Variants in ASTN2 observed in about 807,000 individuals in gnomAD.
The protein encoded by ASTN2 is astrotactin 2.
ASTN2 carries 54 observed loss-of-function variants against 139.8 expected under a neutral mutation model. The ratio of observed to expected loss-of-function variants is 0.39; its 90% CI spans 0.31 to 0.48. The LOEUF is 0.48. ASTN2 is among the 20% of genes least tolerant of loss of function. The pLI, the probability that ASTN2 is intolerant of heterozygous loss-of-function variation, is 0.95. For synonymous variants in ASTN2, 756 were observed against 719.5 expected (o/e 1.05, Z -0.81); for missense variants, 1,565 against 1,725.1 (o/e 0.91, Z 1.64).
At chr9:116,843,406 C>T (rs557543697) in intron 11 of ASTN2, among the ~76,000 whole-genome samples, 164 of 152,114 alleles carry the variant, frequency 1.1e-3, no homozygotes, top group South Asian at 3.3e-3. Context: ...GCCTGTAATC[C>T]CAGTGCTTTG....
At chr9:116,686,678 G>A (rs1487204626) in intron 16 of ASTN2, 1 of 1,549,350 alleles carries the variant, frequency 6.5e-7, no homozygotes, top group Non-Finnish European at 8.7e-7. Flanking sequence ...AACTACACTT[G>A]GTTTGGGTTC....
chr9:116,681,615 C>T (rs1859872497), intron 16 of ASTN2, among the ~76,000 whole-genome samples: 1 of 152,156 alleles, frequency 6.6e-6, no homozygotes, highest in Non-Finnish European at 1.5e-5. Context: ...CGCTACCTGA[C>T]TTCAAACTAT....
chr9:116,628,386 C>A (rs1228542633), intron 17 of ASTN2, among the ~76,000 whole-genome samples: 1 of 152,166 alleles, frequency 6.6e-6, no homozygotes, highest in East Asian at 1.9e-4. Context: ...GTTGGACATT[C>A]AAATCACTGC....
chr9:117,010,276 G>A (rs569498192), intron 6 of ASTN2, among the ~76,000 whole-genome samples: 4 of 152,178 alleles, frequency 2.6e-5, no homozygotes, highest in Non-Finnish European at 4.4e-5. Flanking sequence ...ATAAGCCCAA[G>A]CAGAAACATG....
chr9:116,616,430 A>G (rs1327227393), intron 19 of ASTN2, among the ~76,000 whole-genome samples: 10 of 152,200 alleles, frequency 6.6e-5, no homozygotes, highest in Non-Finnish European at 1.0e-4. Flanking sequence ...TTGAGTTTCA[A>G]TGTAAACTCT....
At chr9:116,691,907 A>T (rs150864995) in intron 16 of ASTN2, among the ~76,000 whole-genome samples, 24 of 152,344 alleles carry the variant, frequency 1.6e-4, no homozygotes, top group African/African-American at 4.6e-4. Context: ...AACCCAGTCA[A>T]ACCAGGGGAG....
At chr9:117,057,292 G>T (rs969776626) in intron 5 of ASTN2, among the ~76,000 whole-genome samples, 7 of 152,266 alleles carry the variant, frequency 4.6e-5, no homozygotes, top group African/African-American at 1.7e-4. Context: ...GGGACTCTCA[G>T]CTCCTTGCGC....
intron 3 of ASTN2, among the ~76,000 whole-genome samples, chr9:117,157,297 G>A (rs1045513886): frequency 6.6e-6 from 1 of 151,940 alleles, no homozygotes; most frequent in African/African-American, 2.4e-5. Flanking sequence ...AGCAATTAGA[G>A]ACTGGAAGGA....
At chr9:116,735,626 T>C (rs1394882344) in intron 13 of ASTN2, among the ~76,000 whole-genome samples, 2 of 152,208 alleles carry the variant, frequency 1.3e-5, no homozygotes, top group African/African-American at 4.8e-5. Flanking sequence ...ACACAAAAAA[T>C]GGCCATGCAG....
intron 11 of ASTN2, among the ~76,000 whole-genome samples, chr9:116,832,471 T>C (rs1030053522): frequency 6.6e-6 from 1 of 152,170 alleles, no homozygotes; most frequent in African/African-American, 2.4e-5. Context: ...TCTTTCACCA[T>C]AAATATGTCA....
At position 117,130,188 on chromosome 9, in the gene ASTN2, G is replaced by A. The variant is rs142631321; in HGVS notation, c.1168+11138C>T. On this transcript the variant is annotated intron_variant, in intron 4 of 22. Coordinates refer to ENST00000313400, the MANE Select transcript of ASTN2 (RefSeq NM_001365068.1). ...ACTGGGCATAGTGGCATGCACTTGT[G>A]GTCTTGACTACTCAGGAGGCTGCAG... Among the ~76,000 whole-genome samples, 1,030 of 152,150 alleles carry A rather than the reference G, an allele frequency of 6.8e-3. 9 individuals are homozygous for A. The highest frequency in any genetic ancestry group is 0.023 in the African/African-American group (970 of 41,512).
chr9:116,782,865 G>A (rs1830257013), intron 13 of ASTN2, among the ~76,000 whole-genome samples: 1 of 152,108 alleles, frequency 6.6e-6, no homozygotes, highest in Admixed American at 6.5e-5. Context: ...ACCCCATGTG[G>A]GCTTGCCCTG....
In ASTN2 at chr9:116,620,449, C is replaced by CA. The variant is rs1564160120; in HGVS notation, c.3073-7dup. The CA allele has an allele frequency of 2.5e-6, 4 of 1,611,600 alleles. No homozygotes were observed. The highest frequency in any genetic ancestry group is 2.2e-5 in the East Asian group (1 of 44,864). ...ATCAGTGCACTCTTGAAGGCCTGGA[C>CA]AAAAAAAGAGGACAGAATAGACAAT... On this transcript the variant is annotated splice_polypyrimidine_tract_variant and splice_region_variant and intron_variant, in intron 17 of 22. Transcript: ENST00000313400.
At chr9:117,374,582 A>C (rs977587393) in intron 1 of ASTN2, among the ~76,000 whole-genome samples, 2 of 152,170 alleles carry the variant, frequency 1.3e-5, no homozygotes, top group Admixed American at 6.5e-5. Flanking sequence ...GCAGTAAACA[A>C]AGAATAATGA....
chr9:116,707,861 G>A (rs1240852825), intron 16 of ASTN2, among the ~76,000 whole-genome samples: 1 of 152,130 alleles, frequency 6.6e-6, no homozygotes, highest in African/African-American at 2.4e-5. Flanking sequence ...GTAGTTAACT[G>A]AGGATATTTT....
At chr9:116,685,361 G>A (rs929522020) in intron 16 of ASTN2, among the ~76,000 whole-genome samples, 2 of 152,146 alleles carry the variant, frequency 1.3e-5, no homozygotes, top group Non-Finnish European at 2.9e-5. Flanking sequence ...TCAGGGAGAT[G>A]ACTTGAGTAA....
intron 3 of ASTN2, 80 bp downstream of exon 3, chr9:117,214,278 C>T: frequency 7.4e-6 from 11 of 1,482,802 alleles, no homozygotes; most frequent in Non-Finnish European, 1.0e-5. Flanking sequence ...GCCTGTAGTC[C>T]CCAACTGCCC....
At chr9:116,625,819 T>C (rs1856423140) in intron 17 of ASTN2, among the ~76,000 whole-genome samples, 1 of 152,152 alleles carries the variant, frequency 6.6e-6, no homozygotes. Flanking sequence ...TCCTCCTTAC[T>C]GAACTCTAGG....
intron 6 of ASTN2, among the ~76,000 whole-genome samples, chr9:117,009,939 C>G (rs954947546): frequency 6.6e-6 from 1 of 152,108 alleles, no homozygotes; most frequent in Non-Finnish European, 1.5e-5. Flanking sequence ...GAGAAGTTTC[C>G]CTGGAAATAG....
Sources: allele counts gnomAD v4.1 joint callset (sites outside exome capture counted in the v4.1 genomes callset), GRCh38; gene constraint gnomAD v4.1.1; transcripts MANE v1.5; gene names NCBI Gene and HGNC (gene_info 2026-07-23, HGNC 2026-07-21).